The following CDH2 variants were observed in gnomAD, a reference collection of about 807,000 sequenced individuals.
CDH2 encodes the protein cadherin-2.
Under a neutral mutation model 92.0 loss-of-function variants are expected in CDH2, and 17 were observed. That is an observed-to-expected ratio of 0.18 (90% CI 0.13 to 0.28). The LOEUF is 0.28. CDH2 is among the 10% of genes least tolerant of loss of function. The pLI is 1.00. For missense variants in CDH2, 862 were observed against 1,133.1 expected (o/e 0.76, Z 3.44); for synonymous variants, 419 against 415.9 (o/e 1.01, Z -0.09).
Position 28,006,061 on chromosome 18 carries a change from T to C in CDH2, c.703-68A>G, listed in dbSNP as rs1226433352. The C allele has an allele frequency of 4.8e-6, 6 of 1,250,016 alleles. No individual in the cohort carries two copies. In the African/African-American group the frequency reaches 9.0e-5, roughly 19 times the overall value. 77.4% of individuals were successfully genotyped at this position (1,250,016 alleles called of 1,614,324 possible). On this transcript the variant is annotated intron_variant, in intron 5 of 15. Coordinates refer to ENST00000269141, the MANE Select transcript of CDH2 (RefSeq NM_001792.5). ...CTGTGAGAAGATAAATACATCATCA[T>C]AAGGCTACAAAAATAGCAAGAATAA...
chr18:27,979,393 G>A (rs1242907785), intron 14 of CDH2, among the ~76,000 whole-genome samples: 4 of 152,158 alleles, frequency 2.6e-5, no homozygotes, highest in Non-Finnish European at 2.9e-5. Context: ...GGGAAGGGAG[G>A]TGTCAATTGT....
At chr18:28,117,421 C>T (rs2015513317) in intron 2 of CDH2, among the ~76,000 whole-genome samples, 1 of 152,112 alleles carries the variant, frequency 6.6e-6, no homozygotes, top group African/African-American at 2.4e-5. Flanking sequence ...CTGCTTACAC[C>T]AAGCACACAC....
At chr18:28,115,639 C>T (rs191342242) in intron 2 of CDH2, among the ~76,000 whole-genome samples, 9 of 152,162 alleles carry the variant, frequency 5.9e-5, no homozygotes, top group Non-Finnish European at 1.2e-4. Flanking sequence ...GGAACCACCA[C>T]AACCAATTTA....
At chr18:28,141,433 A>C (rs1282355521) in intron 2 of CDH2, among the ~76,000 whole-genome samples, 1 of 151,954 alleles carries the variant, frequency 6.6e-6, no homozygotes, top group African/African-American at 2.4e-5. Context: ...AACTAGATAG[A>C]GGTATGGTTG....
chr18:28,121,236 G>A (rs905757117), intron 2 of CDH2, among the ~76,000 whole-genome samples: 4 of 152,068 alleles, frequency 2.6e-5, no homozygotes, highest in African/African-American at 9.7e-5. Context: ...CAAATGACAT[G>A]AGAAAACATG....
chr18:28,019,319 AAATG>A (rs1356608360), intron 2 of CDH2, among the ~76,000 whole-genome samples: 1 of 151,952 alleles, frequency 6.6e-6, no homozygotes, highest in Non-Finnish European at 1.5e-5. Flanking sequence ...AGAAAACAAG[AAATG>A]AAGAAAGAAG....
chr18:28,032,779 G>A (rs779835628), intron 2 of CDH2, among the ~76,000 whole-genome samples: 13 of 152,014 alleles, frequency 8.6e-5, no homozygotes, highest in South Asian at 6.2e-4. Context: ...GATGCCCAAA[G>A]CTCTTTGGGG....
rs17522257 is a variant in CDH2 at position 27,983,750 on chromosome 18, A to G, written c.2210-667T>C. On this transcript the variant is annotated intron_variant, in intron 13 of 15. Coordinates refer to ENST00000269141, the MANE Select transcript of CDH2 (RefSeq NM_001792.5). ...TTTCCAGTGAGTTGATGTTAAAATC[A>G]GCACCAATTCAGTTTCCTTCAAAAT... 4.4e-3 allele frequency among the ~76,000 whole-genome samples: 669 copies of G among 152,362 alleles called. 14 individuals are homozygous for G. The highest frequency in any genetic ancestry group is 0.015 in the African/African-American group (636 of 41,590).
chr18:28,092,710 T>A (rs1567995294), intron 2 of CDH2, among the ~76,000 whole-genome samples: 2 of 152,252 alleles, frequency 1.3e-5, no homozygotes, highest in East Asian at 3.9e-4. Context: ...TCAGAGGTGG[T>A]ATCAAATGAC....
intron 15 of CDH2, among the ~76,000 whole-genome samples, chr18:27,955,788 T>C (rs940235981): frequency 1.4e-5 from 2 of 139,360 alleles, no homozygotes; most frequent in African/African-American, 5.2e-5. Context: ...TTTAAAGAGG[T>C]TAAGGCCATA....
At chr18:28,176,203 C>A (rs891842349) in intron 1 of CDH2, among the ~76,000 whole-genome samples, 6 of 152,110 alleles carry the variant, frequency 3.9e-5, no homozygotes, top group Non-Finnish European at 8.8e-5. Context: ...GCCCCCGGGG[C>A]GCATATAGGG....
Position 27,990,169 on chromosome 18 carries a change from C to G in CDH2, c.1526G>C (p.Gly509Ala). 1 of 1,613,960 alleles carries G rather than the reference C, an allele frequency of 6.2e-7. No individual in the cohort carries two copies. ...TGTCAACATGGTACCGGCATGAAGC[C>G]CTTCTTCTTGGCGAATGATCTTAGG... ...PNPKIIRQEE[G>A]LHAGTMLTTF... Residue 509 changes from glycine to alanine, a missense_variant, in exon 10 of 16, where the codon GGG (glycine) becomes GCG (alanine). Transcript: ENST00000269141.
Position 27,951,622 on chromosome 18 carries a change from G to GA in CDH2, c.*530dup, listed in dbSNP as rs5823567. On this transcript the variant is annotated 3_prime_UTR_variant, in exon 16 of 16. Transcript: ENST00000269141. ...GCTGAGTAAGTTTTAAGATTTTAGTGAAAAAAAAAAAAACAAACTAAAGTC... is the reference window on the plus strand; with the variant it reads ...GCTGAGTAAGTTTTAAGATTTTAGTGAAAAAAAAAAAAAACAAACTAAAGTC... 51,799 of 145,016 alleles carry GA rather than the reference G, an allele frequency of 0.36. 10,376 individuals carry two copies. The highest frequency in any genetic ancestry group is 0.46 in the Non-Finnish European group (30,774 of 66,452). The allele number at this position is 145,016 out of a possible 1,614,324, so 9.0% of individuals were successfully genotyped here. A position where few individuals can be genotyped will look rare whatever the true frequency, so the allele number is the denominator to read the frequency against.
At chr18:28,120,011 G>A (rs2015560431) in intron 2 of CDH2, among the ~76,000 whole-genome samples, 1 of 151,970 alleles carries the variant, frequency 6.6e-6, no homozygotes, top group Non-Finnish European at 1.5e-5. Context: ...TATCTTTCCT[G>A]GAATGCCAGC....
chr18:27,943,643 A>T (rs948774562), intron 6 of CDH2, among the ~76,000 whole-genome samples: 2 of 152,248 alleles, frequency 1.3e-5, no homozygotes, highest in African/African-American at 4.8e-5. Context: ...TAATATGCCA[A>T]GTCCACAGCC....
intron 6 of CDH2, among the ~76,000 whole-genome samples, chr18:28,004,630 T>C (rs1388666860): frequency 6.6e-6 from 1 of 152,126 alleles, no homozygotes; most frequent in African/African-American, 2.4e-5. Context: ...GAAAATAATA[T>C]AAAAAAATTT....
intron 6 of CDH2, among the ~76,000 whole-genome samples, chr18:27,940,950 C>T (rs1019248871): frequency 2.0e-5 from 3 of 151,386 alleles, no homozygotes; most frequent in Non-Finnish European, 4.4e-5. Flanking sequence ...GCCATCAGTA[C>T]ATTCTGAGAT....
intron 2 of CDH2, among the ~76,000 whole-genome samples, chr18:28,065,139 G>C (rs2014482138): frequency 6.6e-6 from 1 of 152,140 alleles, no homozygotes; most frequent in African/African-American, 2.4e-5. Context: ...GTAGCTCACT[G>C]TAATACTCTT....
intron 2 of CDH2, among the ~76,000 whole-genome samples, chr18:28,111,687 C>T (rs539726327): frequency 2.0e-5 from 3 of 152,092 alleles, no homozygotes; most frequent in Non-Finnish European, 4.4e-5. Flanking sequence ...CCAAATTTTG[C>T]GTTAACCCAT....
Sources: gnomAD v4.1 joint callset for allele counts (sites outside exome capture counted in the v4.1 genomes callset) on GRCh38, gnomAD v4.1.1 for gene constraint, MANE v1.5 for transcripts, NCBI Gene and HGNC (gene_info 2026-07-23, HGNC 2026-07-21) for gene names.